RPL26L1: variants seen among roughly 807,000 people sequenced by gnomAD.
RPL26L1 encodes the protein ribosomal protein uL24-like.
In RPL26L1, 8 loss-of-function variants were observed where a neutral mutation model predicts 15.2. That is an observed-to-expected ratio of 0.53 (90% CI 0.31 to 0.95). RPL26L1 has a LOEUF of 0.95. RPL26L1 is among the 40% of genes least tolerant of loss of function. RPL26L1 has a pLI of 0.05. For missense variants in RPL26L1, 146 were observed against 190.9 expected (o/e 0.76, Z 1.39); for synonymous variants, 51 against 65.9 (o/e 0.77, Z 1.09).
intron 2 of RPL26L1, among the ~76,000 whole-genome samples, chr5:172,967,303 A>T (rs930685759): frequency 6.6e-6 from 1 of 151,996 alleles, no homozygotes; most frequent in Non-Finnish European, 1.5e-5. Flanking sequence ...GGTCTCTACT[A>T]AAAATACAAA....
upstream of RPL26L1, chr5:172,957,322 A>AAAAAC (rs982118592): frequency 2.2e-6 from 1 of 454,962 alleles, no homozygotes; most frequent in African/African-American, 2.0e-5. Flanking sequence ...ACAGCATGTT[A>AAAAAC]AAAACAAAAC....
chr5:172,956,208 C>G (rs1754970386), upstream of RPL26L1, among the ~76,000 whole-genome samples: 1 of 152,160 alleles, frequency 6.6e-6, no homozygotes, highest in South Asian at 2.1e-4. Context: ...TCCCACTAAT[C>G]AGAGATGATC....
chr5:172,958,582 T>C (rs1755076720), upstream of RPL26L1: 2 of 367,108 alleles, frequency 5.4e-6, no homozygotes, highest in African/African-American at 4.2e-5. Flanking sequence ...GCCGCCACGG[T>C]GCCCACGGAG....
At chr5:172,956,937 C>T (rs1418520107), upstream of RPL26L1, 5 of 270,844 alleles carry the variant, frequency 1.8e-5, no homozygotes, top group South Asian at 3.2e-5. Context: ...GACTCTATCT[C>T]GAAAAAAAAA....
At chr5:172,961,718 C>G (rs907182465) in intron 2 of RPL26L1, among the ~76,000 whole-genome samples, 3 of 152,206 alleles carry the variant, frequency 2.0e-5, no homozygotes, top group African/African-American at 7.2e-5. Context: ...GTGTTCTCTA[C>G]GTAGGTAAAG....
intron 2 of RPL26L1, among the ~76,000 whole-genome samples, chr5:172,963,655 C>T (rs1755335700): frequency 6.6e-6 from 1 of 152,180 alleles, no homozygotes; most frequent in Admixed American, 6.6e-5. Context: ...ATCCTTTAAC[C>T]AATATTATAG....
At chr5:172,963,515 C>T (rs1755328637) in intron 2 of RPL26L1, among the ~76,000 whole-genome samples, 2 of 152,174 alleles carry the variant, frequency 1.3e-5, no homozygotes, top group African/African-American at 4.8e-5. Flanking sequence ...TCTTTAAATA[C>T]ACCTTGATCT....
At chr5:172,959,416 G>A (rs1240452067), upstream of RPL26L1, 2 of 1,003,698 alleles carry the variant, frequency 2.0e-6, no homozygotes, top group African/African-American at 1.7e-5. Flanking sequence ...TGCGCGGCAC[G>A]GAAACTCACT....
chr5:172,956,395 G>A (rs1754978285), upstream of RPL26L1, among the ~76,000 whole-genome samples: 1 of 152,094 alleles, frequency 6.6e-6, no homozygotes, highest in Non-Finnish European at 1.5e-5. Context: ...GCATCTAATG[G>A]TAGATTATGT....
chr5:172,959,768 G>A (rs1755147461), intron 1 of RPL26L1, 97 bp from the exon 2 acceptor site: 1 of 1,379,420 alleles, frequency 7.2e-7, no homozygotes, highest in Admixed American at 1.8e-5. Flanking sequence ...CTCCCCTGTA[G>A]AGCCTTTGTT....
chr5:172,959,507 A>G (rs571059567), intron 1 of RPL26L1, 39 bp downstream of exon 1: 70 of 1,073,990 alleles, frequency 6.5e-5, no homozygotes, highest in East Asian at 6.2e-4. Context: ...AGTGAACTCT[A>G]CCGCCCCGTG....
chr5:172,959,761 C>A (rs1460313135), intron 1 of RPL26L1, 104 bp from the exon 2 acceptor site: 10 of 1,332,474 alleles, frequency 7.5e-6, no homozygotes, highest in Non-Finnish European at 1.1e-5. Flanking sequence ...AGGCTACCTC[C>A]CCTGTAGAGC....
At chr5:172,968,688 T>C in intron 3 of RPL26L1, 89 bp downstream of exon 3, 1 of 1,492,680 alleles carries the variant, frequency 6.7e-7, no homozygotes, top group South Asian at 1.2e-5. Flanking sequence ...CCTGCACAGT[T>C]GGCTGAGGCA....
upstream of RPL26L1, chr5:172,958,083 G>A (rs1426054557): frequency 3.4e-6 from 1 of 290,434 alleles, no homozygotes; most frequent in Non-Finnish European, 7.0e-6. Context: ...TGACCAACAT[G>A]GAGAAACCCC....
At chr5:172,960,339 A>C (rs540672941) in intron 2 of RPL26L1, among the ~76,000 whole-genome samples, 1 of 152,140 alleles carries the variant, frequency 6.6e-6, no homozygotes, top group East Asian at 1.9e-4. Flanking sequence ...TGGTCTCTGA[A>C]CTCCTGGCCT....
At chr5:172,964,282 T>C (rs13157490) in intron 2 of RPL26L1, among the ~76,000 whole-genome samples, 290 of 6,930 alleles carry the variant, frequency 0.042, 6 homozygotes, top group Non-Finnish European at 0.1. Flanking sequence ...GCCTGTTGCC[T>C]TTTTTTTTTT....
chr5:172,955,129 GTTTTTT>G (rs58150544), upstream of RPL26L1: 329 of 227,898 alleles, frequency 1.4e-3, no homozygotes, highest in South Asian at 2.3e-3. Flanking sequence ...GCTGTGGTTA[GTTTTTT>G]TTTTTTTTTT....
chr5:172,968,619 G>A lies in RPL26L1; in HGVS notation c.309+20G>A. The A allele has an allele frequency of 6.2e-7, 1 of 1,613,656 alleles. No homozygotes were observed. The stretch of plus-strand genomic sequence containing the variant: ...AGCAAGGTATGGTCAAGGACTGAGT[G>A]GCAGTAGCAGCCATGGAGTGTGTCA... On this transcript the variant is annotated intron_variant, in intron 3 of 3. Transcript: ENST00000265100.
Position 172,960,084 on chromosome 5 carries a change from C to A in RPL26L1, c.168+43C>A, listed in dbSNP as rs748893584. 7 of 1,609,932 alleles carry A rather than the reference C, an allele frequency of 4.3e-6. No individual in the cohort carries two copies. The African/African-American group carries it at 6.7e-5, about 15-fold the overall frequency. ...GCTAGTGGCGCTCGGACACCGTTGC[C>A]TAAGAACGTCATGCGTGGAGCAGTC... On this transcript the variant is annotated intron_variant, in intron 2 of 3. Coordinates refer to ENST00000265100, the MANE Select transcript of RPL26L1 (RefSeq NM_016093.4).
Sources: gnomAD v4.1 joint callset for allele counts (sites outside exome capture counted in the v4.1 genomes callset) on GRCh38, gnomAD v4.1.1 for gene constraint, MANE v1.5 for transcripts, NCBI Gene and HGNC (gene_info 2026-07-23, HGNC 2026-07-21) for gene names.